Variants in NTMT2 observed in about 807,000 individuals in gnomAD.
The protein encoded by NTMT2 is X-Pro-Lys N-terminal protein methyltransferase 1B.
Under a neutral mutation model 23.4 loss-of-function variants are expected in NTMT2, and 21 were observed. That is an observed-to-expected ratio of 0.90 (90% CI 0.64 to 1.29). The LOEUF (loss-of-function observed/expected upper bound fraction) is 1.29. NTMT2 is among the 50% of genes most tolerant of loss of function. The pLI is 0.00. For missense variants in NTMT2, 336 were observed against 352.0 expected (o/e 0.95, Z 0.36); for synonymous variants, 131 against 127.7 (o/e 1.03, Z -0.17).
chr1:170,146,927 A>T (rs1215858229), intron 1 of NTMT2, among the ~76,000 whole-genome samples: 1 of 152,222 alleles, frequency 6.6e-6, no homozygotes, highest in African/African-American at 2.4e-5. Context: ...AGCCTCTGTG[A>T]AAGCAGTTAC....
rs1013818175 is a variant in NTMT2 at position 170,167,893 on chromosome 1, A to G, written c.*136A>G. Reference sequence around the variant, plus strand: ...AACATATGTCTGCAAATTATTTGTGATATAATATGTACATGTTTTCAGTGA... The same window carrying G: ...AACATATGTCTGCAAATTATTTGTGGTATAATATGTACATGTTTTCAGTGA... On this transcript the variant is annotated 3_prime_UTR_variant, in exon 4 of 4. Coordinates refer to ENST00000439373, the MANE Select transcript of NTMT2 (RefSeq NM_001136107.2). 9 of 885,698 alleles carry G rather than the reference A, an allele frequency of 1.0e-5. No homozygotes were observed. The African/African-American group carries it at 1.4e-4, about 13-fold the overall frequency. 54.9% of individuals were successfully genotyped at this position (885,698 alleles called of 1,614,324 possible). A position where few individuals can be genotyped will look rare whatever the true frequency, so the allele number is the denominator to read the frequency against.
At chr1:170,147,281 G>T (rs908447803) in intron 1 of NTMT2, among the ~76,000 whole-genome samples, 1 of 151,826 alleles carries the variant, frequency 6.6e-6, no homozygotes, top group Non-Finnish European at 1.5e-5. Context: ...ACTTTTTATC[G>T]TCTATGACTT....
chr1:170,148,802 G>T (rs1161929404), intron 1 of NTMT2, among the ~76,000 whole-genome samples: 1 of 152,016 alleles, frequency 6.6e-6, no homozygotes, highest in Non-Finnish European at 1.5e-5. Flanking sequence ...GATGATAGAG[G>T]CTTTGCCAGC....
In NTMT2 at chr1:170,146,026, A is replaced by C; in HGVS notation, c.-82A>C. ...GGTTTAAAATGACAGTCTCAAGTTC[A>C]TTTAGAAAGAGAAGGCTAATTCAAA... On this transcript the variant is annotated 5_prime_UTR_variant, in exon 1 of 4. Transcript: ENST00000439373. 9.1e-6 allele frequency: 12 copies of C among 1,324,164 alleles called. No individual in the cohort carries two copies. The highest frequency in any genetic ancestry group is 1.2e-5 in the Non-Finnish European group (12 of 971,502). 82.0% of individuals were successfully genotyped at this position (1,324,164 alleles called of 1,614,324 possible).
intron 1 of NTMT2, among the ~76,000 whole-genome samples, chr1:170,152,813 A>G (rs1483828683): frequency 6.6e-6 from 1 of 152,124 alleles, no homozygotes; most frequent in African/African-American, 2.4e-5. Context: ...CACATGCATT[A>G]TCTCATTTAA....
intron 1 of NTMT2, among the ~76,000 whole-genome samples, chr1:170,153,745 G>A (rs1673114021): frequency 6.6e-6 from 1 of 152,216 alleles, no homozygotes; most frequent in Non-Finnish European, 1.5e-5. Flanking sequence ...TATATTTAAA[G>A]GTGAAGCACA....
At chr1:170,164,846 A>G (rs1243099080) in intron 2 of NTMT2, among the ~76,000 whole-genome samples, 1 of 152,208 alleles carries the variant, frequency 6.6e-6, no homozygotes, top group Non-Finnish European at 1.5e-5. Flanking sequence ...ATAATAATCT[A>G]TATTGTGGAG....
At chr1:170,161,750 G>A (rs1004295570) in intron 2 of NTMT2, 10 of 152,090 alleles carry the variant, frequency 6.6e-5, no homozygotes, top group African/African-American at 2.4e-4. Context: ...TTCATATAAT[G>A]TATTCATTGT....
intron 1 of NTMT2, 52 bp from the exon 2 acceptor site, chr1:170,160,466 G>T: frequency 7.3e-7 from 1 of 1,374,040 alleles, no homozygotes; most frequent in Non-Finnish European, 9.6e-7. Flanking sequence ...ATAAAGCTGA[G>T]ATTTTTTTAT....
chr1:170,163,722 T>C (rs1673317976), intron 2 of NTMT2, among the ~76,000 whole-genome samples: 1 of 152,224 alleles, frequency 6.6e-6, no homozygotes, highest in African/African-American at 2.4e-5. Flanking sequence ...AAACCTAAAA[T>C]AATGTTCTTC....
At position 170,167,558 on chromosome 1, in the gene NTMT2, T is replaced by TCA; in HGVS notation, c.654_655dup (p.Ile219ThrfsTer3). On this transcript the variant is annotated frameshift_variant, in exon 4 of 4. Coordinates refer to ENST00000439373, the MANE Select transcript of NTMT2 (RefSeq NM_001136107.2). LOFTEE classifies it high-confidence loss of function. Reference sequence around the variant, plus strand: ...GATGGCCTGAAAGAAAATGGCATCATCATATTGAAGGACAATGTGGCCCGG... The same window carrying TCA: ...GATGGCCTGAAAGAAAATGGCATCATCACATATTGAAGGACAATGTGGCCCGG... The TCA allele has an allele frequency of 6.4e-7, 1 of 1,551,680 alleles. No homozygotes were observed. Among genetic ancestry groups the TCA allele is most frequent in the East Asian group, 2.4e-5 (1 of 40,920 alleles).
intron 1 of NTMT2, among the ~76,000 whole-genome samples, chr1:170,148,635 A>G (rs1250732218): frequency 2.0e-5 from 3 of 152,232 alleles, no homozygotes; most frequent in African/African-American, 4.8e-5. Context: ...ATGTTAGTCA[A>G]TATGGACTGG....
At chr1:170,162,933 GGC>G (rs2102240322) in intron 2 of NTMT2, among the ~76,000 whole-genome samples, 1 of 151,814 alleles carries the variant, frequency 6.6e-6, no homozygotes, top group African/African-American at 2.4e-5. Context: ...CCTCCAGTCT[GGC>G]TGAAAGCAAT....
intron 1 of NTMT2, among the ~76,000 whole-genome samples, chr1:170,150,757 A>G (rs926498794): frequency 6.6e-6 from 1 of 152,212 alleles, no homozygotes; most frequent in African/African-American, 2.4e-5. Context: ...AGTTATGCCA[A>G]CCAAATTTCT....
intron 1 of NTMT2, among the ~76,000 whole-genome samples, chr1:170,150,458 T>C (rs1478096239): frequency 6.6e-6 from 1 of 152,214 alleles, no homozygotes; most frequent in Non-Finnish European, 1.5e-5. Context: ...ATTTTCCCCA[T>C]ATTATATTTG....
intron 1 of NTMT2, among the ~76,000 whole-genome samples, chr1:170,157,189 G>T (rs1480037167): frequency 2.6e-5 from 4 of 152,138 alleles, no homozygotes; most frequent in Non-Finnish European, 1.5e-5. Context: ...CTAGGGAAGG[G>T]AGATTGGTGT....
rs1673443403 is a variant in NTMT2, at chr1:170,168,450, G to C, written c.*693G>C. ...TCTCCCTCTAATTAAGAAGACACTA[G>C]TCAAAATAATCTTGTGAAAACAAGT... On this transcript the variant is annotated 3_prime_UTR_variant, in exon 4 of 4. Coordinates refer to ENST00000439373, the MANE Select transcript of NTMT2 (RefSeq NM_001136107.2). 6.6e-6 allele frequency among the ~76,000 whole-genome samples: 1 copy of C among 152,092 alleles called. No individual in the cohort carries two copies. The highest frequency in any genetic ancestry group is 2.4e-5 in the African/African-American group (1 of 41,420).
chr1:170,166,140 C>CTTTTTTTTTTTTT (rs3040077), intron 2 of NTMT2, among the ~76,000 whole-genome samples: 2 of 67,794 alleles, frequency 3.0e-5, no homozygotes, highest in African/African-American at 8.9e-5. Flanking sequence ...TTTTTTTTTT[C>CTTTTTTTTTTTTT]TTTTTTTTTT....
chr1:170,157,761 A>G (rs1673193165), intron 1 of NTMT2, among the ~76,000 whole-genome samples: 1 of 152,078 alleles, frequency 6.6e-6, no homozygotes, highest in African/African-American at 2.4e-5. Flanking sequence ...TGATCATAAC[A>G]TTTTTGAATC....
Sources: gnomAD v4.1 joint callset for allele counts (sites outside exome capture counted in the v4.1 genomes callset) on GRCh38, gnomAD v4.1.1 for gene constraint, MANE v1.5 for transcripts, NCBI Gene and HGNC (gene_info 2026-07-23, HGNC 2026-07-21) for gene names.